Variants in CELF1 observed in about 807,000 individuals in gnomAD.
The protein encoded by CELF1 is 50 kDa nuclear polyadenylated RNA-binding protein.
A neutral mutation model predicts 61.8 loss-of-function variants in CELF1; 10 were observed. That is an observed-to-expected ratio of 0.16 (90% confidence interval 0.10 to 0.27). CELF1 has a LOEUF of 0.27. CELF1 is among the 10% of genes least tolerant of loss of function. The pLI is 1.00. For synonymous variants in CELF1, 236 were observed against 225.1 expected, an observed-to-expected ratio of 1.05 and a Z score of -0.43; for missense variants, 380 against 639.1, an observed-to-expected ratio of 0.59 and a Z score of 4.37.
intron 1 of CELF1, among the ~76,000 whole-genome samples, chr11:47,526,128 G>A (rs1251670513): frequency 1.3e-5 from 2 of 151,940 alleles, no homozygotes; most frequent in African/African-American, 4.8e-5. Context: ...TCCGGAGTTC[G>A]AGACCAGCCT....
At position 47,468,014 on chromosome 11, in the gene CELF1, CT is replaced by C; in HGVS notation, c.*4215del. On this transcript the variant is annotated 3_prime_UTR_variant, in exon 15 of 15. Transcript: ENST00000687097. ...AAGAAACAGCAGGAAACATGCAAAA[CT>C]TTTTTCTGGGCATAATCTTAGTAGG... 1.3e-5 allele frequency: 2 copies of C among 152,220 alleles called. No individual in the cohort carries two copies. Among genetic ancestry groups the C allele is most frequent in the East Asian group, 3.9e-4 (2 of 5,190 alleles). The allele number at this position is 152,220 out of a possible 1,614,324, so 9.4% of individuals were successfully genotyped here.
chr11:47,487,256 A>G lies in CELF1; in HGVS notation c.260-15T>C, dbSNP rs142517738. On this transcript the variant is annotated splice_polypyrimidine_tract_variant and intron_variant, in intron 4 of 14. Coordinates refer to ENST00000687097, the MANE Select transcript of CELF1 (RefSeq NM_001376376.1). ...AAAACAGCACCCTGCAATAAATAAG[A>G]TTTCATAAAATCAAACTTTGGAAAG... 106 of 1,594,574 alleles carry G rather than the reference A, an allele frequency of 6.6e-5. No individual in the cohort carries two copies. In the African/African-American group the frequency reaches 1.3e-3, roughly 19 times the overall value.
At chr11:47,539,237 T>C (rs1022899869) in intron 1 of CELF1, among the ~76,000 whole-genome samples, 3 of 151,980 alleles carry the variant, frequency 2.0e-5, no homozygotes, top group Admixed American at 1.3e-4. Context: ...GTTAAAAAAA[T>C]AAACTCATAA....
chr11:47,547,420 G>A (rs920656819), intron 1 of CELF1, among the ~76,000 whole-genome samples: 3 of 152,072 alleles, frequency 2.0e-5, no homozygotes, highest in Non-Finnish European at 4.4e-5. Context: ...GTTCATGCCC[G>A]TAATCCCAGC....
At chr11:47,475,306 T>C in intron 13 of CELF1, 30 bp downstream of exon 13, 2 of 1,610,130 alleles carry the variant, frequency 1.2e-6, no homozygotes, top group Non-Finnish European at 8.5e-7. Flanking sequence ...CCGCCCCCCA[T>C]ACCTGACCCC....
At chr11:47,499,760 C>T in intron 2 of CELF1, 156 bp from the exon 3 acceptor site, 1 of 505,242 alleles carries the variant, frequency 2.0e-6, no homozygotes, top group Non-Finnish European at 3.5e-6. Context: ...GCCCAGCACA[C>T]AATGAAAGTG....
At chr11:47,543,583 A>C (rs2096862897) in intron 1 of CELF1, among the ~76,000 whole-genome samples, 2 of 152,146 alleles carry the variant, frequency 1.3e-5, no homozygotes, top group South Asian at 4.1e-4. Context: ...GACAAGACCA[A>C]AGTTATTTTA....
intron 2 of CELF1, 174 bp from the exon 3 acceptor site, chr11:47,499,778 G>A (rs1158474856): frequency 1.1e-5 from 5 of 466,896 alleles, no homozygotes; most frequent in Admixed American, 7.6e-5. Context: ...GTGCTGATGC[G>A]CCAGGCTTGT....
At chr11:47,556,544 A>G (rs2153789054), upstream of CELF1, among the ~76,000 whole-genome samples, 1 of 152,294 alleles carries the variant, frequency 6.6e-6, no homozygotes, top group Non-Finnish European at 1.5e-5. Context: ...ATTATGGTTC[A>G]TTCATAGCCA....
At chr11:47,478,169 A>G (rs1199213938) in intron 10 of CELF1, among the ~76,000 whole-genome samples, 3 of 152,372 alleles carry the variant, frequency 2.0e-5, no homozygotes, top group South Asian at 2.1e-4. Flanking sequence ...ATAGCCAACT[A>G]TAATTTCCTG....
At position 47,478,955 on chromosome 11, in the gene CELF1, A is replaced by G. The variant is rs2081451870; in HGVS notation, c.769-3T>C. The G allele has an allele frequency of 5.0e-6, 8 of 1,609,948 alleles. No individual in the cohort carries two copies. Among genetic ancestry groups the G allele is most frequent in the Non-Finnish European group, 6.8e-6 (8 of 1,177,932 alleles). ...TGCTGAAGGAGCTGCAAATAAAGCT[A>G]GACATTACACCAAAAAACAGAACAA... On this transcript the variant is annotated splice_region_variant and splice_polypyrimidine_tract_variant and intron_variant, in intron 9 of 14. Transcript: ENST00000687097.
At chr11:47,487,706 A>G (rs1163223298) in intron 4 of CELF1, among the ~76,000 whole-genome samples, 2 of 152,242 alleles carry the variant, frequency 1.3e-5, no homozygotes, top group African/African-American at 2.4e-5. Context: ...TGCCTCAAAC[A>G]TAATTATCAC....
chr11:47,495,926 A>G, intron 3 of CELF1: 1 of 965,662 alleles, frequency 1.0e-6, no homozygotes, highest in Non-Finnish European at 1.2e-6. Context: ...ACAAAAAGAA[A>G]AAATTCAGAT....
chr11:47,486,985 A>G (rs1278572519), intron 5 of CELF1, among the ~76,000 whole-genome samples, 174 bp downstream of exon 5: 1 of 152,238 alleles, frequency 6.6e-6, no homozygotes, highest in Non-Finnish European at 1.5e-5. Context: ...CTTGACTGAG[A>G]GAGAACTAAT....
At chr11:47,552,373 T>C (rs1226297850) in intron 1 of CELF1, among the ~76,000 whole-genome samples, 1 of 152,192 alleles carries the variant, frequency 6.6e-6, no homozygotes, top group East Asian at 1.9e-4. Context: ...AGAAAGCGCT[T>C]TAATGTGCTC....
intron 1 of CELF1, among the ~76,000 whole-genome samples, chr11:47,521,576 C>T (rs182135288): frequency 2.6e-5 from 4 of 152,300 alleles, no homozygotes; most frequent in Admixed American, 2.6e-4. Context: ...AAAATGGTTA[C>T]ACAAACAGTA....
intron 3 of CELF1, among the ~76,000 whole-genome samples, chr11:47,493,782 G>C (rs115188074): frequency 0.016 from 2,428 of 152,216 alleles, 50 homozygotes; most frequent in African/African-American, 0.048. Flanking sequence ...CCAAGGTATA[G>C]CAACAACCCG....
intron 3 of CELF1, among the ~76,000 whole-genome samples, chr11:47,498,796 C>A (rs1169139512): frequency 3.3e-5 from 5 of 152,148 alleles, no homozygotes; most frequent in Non-Finnish European, 7.3e-5. Flanking sequence ...TGCAAGCTAA[C>A]AAGGTTTCTC....
chr11:47,541,838 A>G (rs1191106035), intron 1 of CELF1, among the ~76,000 whole-genome samples: 1 of 150,276 alleles, frequency 6.7e-6, no homozygotes, highest in African/African-American at 2.5e-5. Context: ...AAGAAAGAAA[A>G]TGGAAACTAC....
Sources: gnomAD v4.1 joint callset for allele counts (sites outside exome capture counted in the v4.1 genomes callset) on GRCh38, gnomAD v4.1.1 for gene constraint, MANE v1.5 for transcripts, NCBI Gene and HGNC (gene_info 2026-07-23, HGNC 2026-07-21) for gene names.